CCDC85A: variants seen among roughly 807,000 people sequenced by gnomAD.
CCDC85A encodes coiled-coil domain-containing protein 85A.
In CCDC85A, 38 loss-of-function variants were observed where a neutral mutation model predicts 50.2. The observed-to-expected ratio is 0.76, with a 90% CI of 0.58 to 0.99. The LOEUF (loss-of-function observed/expected upper bound fraction) is 0.99. Among genes scored for constraint, CCDC85A ranks in the 50% least tolerant of loss-of-function variants. CCDC85A has a pLI of 0.00. For missense variants in CCDC85A, 820 were observed against 742.0 expected (o/e 1.11, Z -1.22); for synonymous variants, 366 against 301.4 (o/e 1.21, Z -2.22).
chr2:56,254,420 C>G (rs1270879087), intron 2 of CCDC85A, among the ~76,000 whole-genome samples: 1 of 151,866 alleles, frequency 6.6e-6, no homozygotes, highest in Non-Finnish European at 1.5e-5. Context: ...GACATTTATT[C>G]CTATATCAGT....
intron 2 of CCDC85A, among the ~76,000 whole-genome samples, chr2:56,292,144 G>A (rs1366807174): frequency 5.3e-5 from 8 of 152,120 alleles, no homozygotes; most frequent in Admixed American, 3.3e-4. Flanking sequence ...GTGCAGTGGC[G>A]CCATCTCAGC....
intron 5 of CCDC85A, among the ~76,000 whole-genome samples, chr2:56,381,610 C>A (rs947711896): frequency 1.3e-5 from 2 of 152,072 alleles, no homozygotes; most frequent in Non-Finnish European, 2.9e-5. Context: ...ATAGTGAAGT[C>A]AGGAGTACAC....
chr2:56,250,984 C>A (rs1182097784), intron 2 of CCDC85A, among the ~76,000 whole-genome samples: 3 of 151,880 alleles, frequency 2.0e-5, no homozygotes, highest in Non-Finnish European at 4.4e-5. Context: ...TTTTTCCTTC[C>A]ATTTTAGTTT....
At chr2:56,223,140 T>C (rs987249543) in intron 2 of CCDC85A, among the ~76,000 whole-genome samples, 2 of 152,152 alleles carry the variant, frequency 1.3e-5, no homozygotes, top group African/African-American at 4.8e-5. Flanking sequence ...CTGAAATAAA[T>C]ATAAACTATT....
chr2:56,262,214 TAAG>T lies in CCDC85A; in HGVS notation c.1240+68775_1240+68777del, dbSNP rs1238296307. 2.0e-5 allele frequency among the ~76,000 whole-genome samples: 3 copies of T among 152,166 alleles called. No individual in the cohort carries two copies. The East Asian group carries it at 5.8e-4, about 29-fold the overall frequency. On this transcript the variant is annotated intron_variant, in intron 2 of 5. Transcript: ENST00000407595. ...AAAGGTTAAGCTGATTTTTTCTACT[TAAG>T]CCTTAATTGAGGTGTAGATAATGGA...
intron 2 of CCDC85A, among the ~76,000 whole-genome samples, chr2:56,227,664 A>G (rs994418318): frequency 6.6e-6 from 1 of 152,076 alleles, no homozygotes; most frequent in African/African-American, 2.4e-5. Context: ...CTGTTTCTCC[A>G]GGAAGCCTTC....
chr2:56,252,809 C>T (rs1300959544), intron 2 of CCDC85A, among the ~76,000 whole-genome samples: 1 of 152,062 alleles, frequency 6.6e-6, no homozygotes, highest in Non-Finnish European at 1.5e-5. Flanking sequence ...GTTTTCTGTT[C>T]TTGTGTTAGT....
At chr2:56,191,886 C>T (rs939689510) in intron 1 of CCDC85A, among the ~76,000 whole-genome samples, 13 of 152,184 alleles carry the variant, frequency 8.5e-5, no homozygotes, top group Admixed American at 6.5e-4. Flanking sequence ...GCAGTGCTTG[C>T]TGTTTACTCT....
chr2:56,372,372 C>A lies in CCDC85A; in HGVS notation c.1346C>A (p.Thr449Asn). ...AGCCAGAATAGAAGGCAACCTCCAACTAGAAACAGCTCAAATATGGAGAAA... is the reference window on the plus strand; with the variant it reads ...AGCCAGAATAGAAGGCAACCTCCAAATAGAAACAGCTCAAATATGGAGAAA... The part of the protein sequence containing the change: ...QASQNRRQPP[T>N]RNSSNMEKGW... Residue 449 changes from threonine (T) to asparagine (N), a missense_variant, in exon 4 of 6, where the codon ACT becomes AAT. Physicochemically the swap from Thr to Asn is moderately conservative, Grantham distance 65. Coordinates refer to ENST00000407595, the MANE Select transcript of CCDC85A (RefSeq NM_001080433.2). 6.3e-7 allele frequency: 1 copy of A among 1,590,002 alleles called. No individual in the cohort carries two copies. The highest frequency in any genetic ancestry group is 8.6e-7 in the Non-Finnish European group (1 of 1,167,708).
rs556102649 is a variant in CCDC85A at position 56,320,997 on chromosome 2, A to G, written c.1241-21882A>G. 1.0e-3 allele frequency among the ~76,000 whole-genome samples: 152 copies of G among 152,190 alleles called. 1 individual carries two copies. Among genetic ancestry groups the G allele is most frequent in the Non-Finnish European group, 1.6e-3 (112 of 68,040 alleles). On this transcript the variant is annotated intron_variant, in intron 2 of 5. Transcript: ENST00000407595. ...AAGGCTGGTTCAACATATGCAAATCAATAAACGTAATCCATCATATAAACA... is the reference window on the plus strand; with the variant it reads ...AAGGCTGGTTCAACATATGCAAATCGATAAACGTAATCCATCATATAAACA...
At chr2:56,305,102 C>CGA (rs1553408849) in intron 2 of CCDC85A, among the ~76,000 whole-genome samples, 5 of 113,386 alleles carry the variant, frequency 4.4e-5, no homozygotes, top group African/African-American at 1.4e-4. Flanking sequence ...GACTCTGCCT[C>CGA]AAAAAAAAAA....
chr2:56,351,474 TA>T (rs1674936566), intron 3 of CCDC85A, among the ~76,000 whole-genome samples: 1 of 144,134 alleles, frequency 6.9e-6, no homozygotes, highest in Non-Finnish European at 1.5e-5. Flanking sequence ...ACCAACAGTG[TA>T]AAAGTGTTCC....
At chr2:56,188,501 G>T (rs1676147688) in intron 1 of CCDC85A, among the ~76,000 whole-genome samples, 1 of 152,228 alleles carries the variant, frequency 6.6e-6, no homozygotes. Context: ...AGTAGCTGTA[G>T]CATAGTCAAA....
chr2:56,281,904 G>A (rs1671223122), intron 2 of CCDC85A, among the ~76,000 whole-genome samples: 1 of 152,072 alleles, frequency 6.6e-6, no homozygotes, highest in East Asian at 1.9e-4. Context: ...TCTTAGTGGT[G>A]TTTAGATGAA....
intron 2 of CCDC85A, among the ~76,000 whole-genome samples, chr2:56,223,971 A>T (rs1450101012): frequency 6.6e-6 from 1 of 152,146 alleles, no homozygotes; most frequent in Admixed American, 6.6e-5. Context: ...GATACAGTTC[A>T]CATATCATAA....
chr2:56,232,651 G>A (rs1037828532), intron 2 of CCDC85A, among the ~76,000 whole-genome samples: 4 of 152,084 alleles, frequency 2.6e-5, no homozygotes, highest in Non-Finnish European at 5.9e-5. Flanking sequence ...ACAGAACTGT[G>A]AGTCAATTAA....
At chr2:56,257,048 C>T (rs1670013936) in intron 2 of CCDC85A, among the ~76,000 whole-genome samples, 1 of 152,142 alleles carries the variant, frequency 6.6e-6, no homozygotes. Context: ...CCATGAATGT[C>T]AATAAACTCA....
intron 2 of CCDC85A, among the ~76,000 whole-genome samples, chr2:56,239,715 A>G (rs746558482): frequency 2.2e-4 from 34 of 152,282 alleles, no homozygotes; most frequent in Non-Finnish European, 8.8e-5. Flanking sequence ...TCTGGGAATT[A>G]GAGTTTGAAA....
chr2:56,190,227 T>C (rs959905145), intron 1 of CCDC85A, among the ~76,000 whole-genome samples: 1 of 152,216 alleles, frequency 6.6e-6, no homozygotes, highest in East Asian at 1.9e-4. Context: ...TTTTTCAGGC[T>C]TTTTGAAGCA....
Sources: gnomAD v4.1 joint callset for allele counts (sites outside exome capture counted in the v4.1 genomes callset) on GRCh38, gnomAD v4.1.1 for gene constraint, MANE v1.5 for transcripts, NCBI Gene and HGNC (gene_info 2026-07-23, HGNC 2026-07-21) for gene names.